The following ANKFN1 variants were observed in gnomAD, a reference collection of about 807,000 sequenced individuals.
ANKFN1 encodes the protein ankyrin repeat and fibronectin type III domain containing 1, also known as ankyrin repeat and fibronectin type-III domain-containing protein 1.
In ANKFN1, 74 loss-of-function variants were observed where a neutral mutation model predicts 108.7. The observed-to-expected ratio is 0.68, with a 90% CI of 0.56 to 0.83. The LOEUF (loss-of-function observed/expected upper bound fraction) is 0.83, where lower values mean the gene tolerates loss of function less well. Ranked by LOEUF, ANKFN1 falls within the 40% of genes least tolerant of loss-of-function variation. The probability of loss-of-function intolerance (pLI) is 0.00; values close to 1 mark genes in which losing one functional copy is unlikely to be tolerated. For synonymous variants in ANKFN1, 547 were observed against 516.2 expected, an observed-to-expected ratio of 1.06 and a Z score of -0.81; for missense variants, 1,505 against 1,382.3, an observed-to-expected ratio of 1.09 and a Z score of -1.41.
chr17:56,052,426 G>A (rs1006776684), intron 4 of ANKFN1, among the ~76,000 whole-genome samples: 8 of 152,130 alleles, frequency 5.3e-5, no homozygotes, highest in African/African-American at 1.4e-4. Context: ...TGGCATGCCC[G>A]TGGCCTGCAG....
intron 4 of ANKFN1, among the ~76,000 whole-genome samples, chr17:56,340,260 T>C (rs988279672): frequency 6.6e-6 from 1 of 152,178 alleles, no homozygotes; most frequent in African/African-American, 2.4e-5. Flanking sequence ...AGTTGTCTGT[T>C]TACTGTGTTG....
In ANKFN1 at chr17:56,168,338, A is replaced by T. The variant is rs928539557; in HGVS notation, c.-71+14808A>T. ...AGGACTCTTAGGAGAATGAAATGTA[A>T]TAACCTCATCAGGCAGATAGGACAG... On this transcript the variant is annotated intron_variant, in intron 1 of 20. Transcript: ENST00000682825. 3.9e-5 allele frequency among the ~76,000 whole-genome samples: 6 copies of T among 152,094 alleles called. 2 individuals carry two copies. Among genetic ancestry groups the T allele is most frequent in the Admixed American group, 3.9e-4 (6 of 15,292 alleles).
chr17:56,216,580 T>C (rs1230636300), intron 2 of ANKFN1, among the ~76,000 whole-genome samples: 2 of 152,222 alleles, frequency 1.3e-5, no homozygotes, highest in Non-Finnish European at 2.9e-5. Context: ...AGTGCAGAAA[T>C]CAAAGACCTT....
At position 56,093,701 on chromosome 17, in the gene ANKFN1, T is replaced by C. The variant is rs564938513; in HGVS notation, c.288+47376T>C. ...CGCAAGTAAATGTCAAGCCCCAAGGTGAAGTTCCGTATTTATTGTAGTATT... is the reference window on the plus strand; with the variant it reads ...CGCAAGTAAATGTCAAGCCCCAAGGCGAAGTTCCGTATTTATTGTAGTATT... On this transcript the variant is annotated intron_variant, in intron 4 of 12. Coordinates refer to the ANKFN1 transcript ENST00000635860. Among the ~76,000 whole-genome samples the C allele has an allele frequency of 2.6e-5, 4 of 151,438 alleles. No individual in the cohort carries two copies. The South Asian group carries it at 6.2e-4, about 24-fold the overall frequency.
At chr17:56,203,747 G>A (rs960321468) in intron 1 of ANKFN1, among the ~76,000 whole-genome samples, 1 of 152,192 alleles carries the variant, frequency 6.6e-6, no homozygotes, top group African/African-American at 2.4e-5. Context: ...CGTGTACCTA[G>A]AAGCTGGAGA....
At chr17:56,361,905 C>G (rs550537798) in intron 6 of ANKFN1, among the ~76,000 whole-genome samples, 1 of 152,148 alleles carries the variant, frequency 6.6e-6, no homozygotes, top group African/African-American at 2.4e-5. Flanking sequence ...AAAGAGAGAC[C>G]AGCCAAGGTG....
intron 8 of ANKFN1, among the ~76,000 whole-genome samples, chr17:56,430,175 A>G (rs1480886445): frequency 6.6e-6 from 1 of 152,182 alleles, no homozygotes; most frequent in Non-Finnish European, 1.5e-5. Context: ...TTGCCTCTCC[A>G]TAACCCTACA....
intron 3 of ANKFN1, among the ~76,000 whole-genome samples, chr17:56,247,382 C>A (rs1340779517): frequency 1.3e-5 from 2 of 152,140 alleles, no homozygotes; most frequent in African/African-American, 4.8e-5. Flanking sequence ...AAGTAAGACA[C>A]AGACTTTTCA....
chr17:56,356,786 A>C lies in ANKFN1; in HGVS notation c.601+2740A>C, dbSNP rs145851847. On this transcript the variant is annotated intron_variant, in intron 6 of 20. Transcript: ENST00000682825. ...GGTGGAGAGAGAATCAGAGGGTCTG[A>C]ACATGGAGAATGCAGACTGAGCCCC... Among the ~76,000 whole-genome samples the C allele has an allele frequency of 8.0e-3, 1,218 of 152,280 alleles. 16 individuals carry two copies. Among genetic ancestry groups the C allele is most frequent in the African/African-American group, 0.028 (1,155 of 41,552 alleles).
At chr17:56,212,931 A>G (rs1172735229) in intron 2 of ANKFN1, among the ~76,000 whole-genome samples, 1 of 152,186 alleles carries the variant, frequency 6.6e-6, no homozygotes, top group African/African-American at 2.4e-5. Flanking sequence ...GCCAGAAACT[A>G]AGACTGGCAT....
chr17:56,198,900 G>A (rs955704245), intron 1 of ANKFN1, among the ~76,000 whole-genome samples: 3 of 152,112 alleles, frequency 2.0e-5, no homozygotes, highest in East Asian at 3.8e-4. Context: ...GGTAGGGATC[G>A]CTACCACCTT....
At chr17:56,268,972 C>A (rs2043724429) in intron 3 of ANKFN1, among the ~76,000 whole-genome samples, 1 of 152,176 alleles carries the variant, frequency 6.6e-6, no homozygotes, top group African/African-American at 2.4e-5. Context: ...GACTCCTATT[C>A]TTTGTGACAT....
chr17:56,177,867 A>G (rs1911319730), intron 1 of ANKFN1, among the ~76,000 whole-genome samples: 1 of 152,100 alleles, frequency 6.6e-6, no homozygotes, highest in Admixed American at 6.6e-5. Flanking sequence ...ATTTTAATAC[A>G]TTATTAATAT....
chr17:56,133,118 C>G (rs908798906), intron 4 of ANKFN1, among the ~76,000 whole-genome samples: 9 of 152,294 alleles, frequency 5.9e-5, no homozygotes, highest in African/African-American at 1.9e-4. Flanking sequence ...AAAGTCAACT[C>G]TCTGTTACAT....
chr17:56,054,578 A>G (rs543142776), intron 4 of ANKFN1, among the ~76,000 whole-genome samples: 2 of 152,214 alleles, frequency 1.3e-5, no homozygotes, highest in African/African-American at 4.8e-5. Context: ...CAATAGCATT[A>G]TGTCTAAAAA....
At chr17:56,228,708 T>C (rs72833811) in intron 3 of ANKFN1, among the ~76,000 whole-genome samples, 185 of 152,204 alleles carry the variant, frequency 1.2e-3, no homozygotes, top group Non-Finnish European at 2.2e-3. Context: ...AGCTTTAGTA[T>C]AAAGACCCTA....
At chr17:56,340,829 A>T (rs1233705430) in intron 4 of ANKFN1, among the ~76,000 whole-genome samples, 1 of 152,074 alleles carries the variant, frequency 6.6e-6, no homozygotes, top group Non-Finnish European at 1.5e-5. Flanking sequence ...AGTTTTTGCT[A>T]GTTCTGTGAA....
intron 4 of ANKFN1, among the ~76,000 whole-genome samples, chr17:56,335,466 A>C (rs1406723541): frequency 6.6e-6 from 1 of 152,046 alleles, no homozygotes; most frequent in Non-Finnish European, 1.5e-5. Context: ...TACATATTTT[A>C]TTCTCTTTGT....
At chr17:56,288,198 G>C (rs925798810) in intron 3 of ANKFN1, among the ~76,000 whole-genome samples, 2 of 152,006 alleles carry the variant, frequency 1.3e-5, no homozygotes, top group Admixed American at 1.3e-4. Context: ...TCCTATCCCT[G>C]CTTTTCCATG....
Sources: gnomAD v4.1 joint callset for allele counts (sites outside exome capture counted in the v4.1 genomes callset) on GRCh38, gnomAD v4.1.1 for gene constraint, MANE v1.5 for transcripts, NCBI Gene and HGNC (gene_info 2026-07-23, HGNC 2026-07-21) for gene names.